The following DIAPH2 variants were observed in gnomAD, a reference collection of about 807,000 sequenced individuals.
DIAPH2 encodes the protein diaphanous related formin 2.
In DIAPH2, 35 loss-of-function variants were observed where a neutral mutation model predicts 92.7. That is an observed-to-expected ratio of 0.38 (90% CI 0.29 to 0.50). The LOEUF is 0.50. DIAPH2 is among the 20% of genes least tolerant of loss of function. The pLI, the probability that DIAPH2 is intolerant of heterozygous loss-of-function variation, is 0.94. For missense variants in DIAPH2, 701 were observed against 819.5 expected (o/e 0.86, Z 1.77); for synonymous variants, 301 against 280.4 (o/e 1.07, Z -0.73).
chrX:96,764,188 A>T (rs1167802923), intron 4 of DIAPH2, among the ~76,000 whole-genome samples: 1 of 111,387 alleles, frequency 9.0e-6, no homozygotes, highest in Non-Finnish European at 1.9e-5. Flanking sequence ...ATGTAATAGG[A>T]ATTCATAAGT....
intron 4 of DIAPH2, among the ~76,000 whole-genome samples, chrX:96,783,093 G>T (rs759816420): frequency 3.4e-4 from 38 of 111,700 alleles, no homozygotes; most frequent in Non-Finnish European, 5.6e-4. Context: ...TGTGATACTC[G>T]TAAAACAACC....
chrX:97,028,757 A>G (rs1229066665), intron 17 of DIAPH2, among the ~76,000 whole-genome samples: 2 of 112,021 alleles, frequency 1.8e-5, no homozygotes, highest in Non-Finnish European at 1.9e-5. Context: ...TAGTGCTGCT[A>G]TTAGTGTTCC....
At chrX:97,368,173 C>G (rs1471329746) in intron 24 of DIAPH2, among the ~76,000 whole-genome samples, 2 of 112,303 alleles carry the variant, frequency 1.8e-5, no homozygotes, top group African/African-American at 6.5e-5. Flanking sequence ...TTTTAATTAT[C>G]AGAGTTTCTC....
intron 26 of DIAPH2, among the ~76,000 whole-genome samples, chrX:97,487,194 C>T (rs2070694784): frequency 8.9e-6 from 1 of 112,271 alleles, no homozygotes; most frequent in African/African-American, 3.2e-5. Context: ...GGATTATTTC[C>T]CTATCTTGGC....
intron 5 of DIAPH2, among the ~76,000 whole-genome samples, chrX:96,899,149 G>A: frequency 9.1e-6 from 1 of 110,032 alleles, no homozygotes; most frequent in Non-Finnish European, 1.9e-5. Flanking sequence ...ATAGTTTGAA[G>A]TCAGGTAGCG....
rs1277532919 is a variant in DIAPH2 at position 96,765,098 on chromosome X, A to G, written c.447+6840A>G. Among the ~76,000 whole-genome samples, 5 of 110,669 alleles carry G rather than the reference A, an allele frequency of 4.5e-5. No homozygotes were observed. The East Asian group carries it at 1.4e-3, about 31-fold the overall frequency. On this transcript the variant is annotated intron_variant, in intron 4 of 26. Transcript: ENST00000324765. The stretch of plus-strand genomic sequence containing the variant: ...ACACTGTTACCAGTTATCTTGCTCC[A>G]GCAGTACCCTCTTATCTGTGGTTTC...
chrX:96,836,383 T>C (rs1426857628), intron 4 of DIAPH2, among the ~76,000 whole-genome samples: 1 of 109,524 alleles, frequency 9.1e-6, no homozygotes, highest in East Asian at 2.8e-4. Context: ...AGAATGAATT[T>C]TCTCTTGATA....
intron 24 of DIAPH2, among the ~76,000 whole-genome samples, chrX:97,366,910 C>T (rs2069386358): frequency 9.0e-6 from 1 of 111,412 alleles, no homozygotes; most frequent in African/African-American, 3.3e-5. Flanking sequence ...GCACAATATG[C>T]AAAAAGTAAC....
chrX:97,308,676 A>G (rs1273546823), intron 23 of DIAPH2, among the ~76,000 whole-genome samples: 1 of 89,623 alleles, frequency 1.1e-5, no homozygotes, highest in Non-Finnish European at 2.1e-5. Flanking sequence ...GCTGGAGTGC[A>G]CTGGCATGAT....
At chrX:96,862,798 G>C (rs1020349570) in intron 4 of DIAPH2, among the ~76,000 whole-genome samples, 4 of 111,687 alleles carry the variant, frequency 3.6e-5, no homozygotes, top group African/African-American at 1.3e-4. Flanking sequence ...TTGTTCATTT[G>C]TTTTACTGTG....
At chrX:96,706,457 C>T (rs1190050967) in intron 1 of DIAPH2, among the ~76,000 whole-genome samples, 2 of 111,674 alleles carry the variant, frequency 1.8e-5, no homozygotes, top group Non-Finnish European at 3.8e-5. Context: ...CATGGAACTA[C>T]GGCAGTGGTA....
intron 25 of DIAPH2, among the ~76,000 whole-genome samples, chrX:97,416,690 C>T (rs1292253894): frequency 9.0e-6 from 1 of 111,657 alleles, no homozygotes; most frequent in Non-Finnish European, 1.9e-5. Flanking sequence ...CTTGAATGAT[C>T]CTTGGGTTCT....
chrX:97,025,846 G>C (rs1383204555), intron 17 of DIAPH2, among the ~76,000 whole-genome samples: 2 of 111,810 alleles, frequency 1.8e-5, no homozygotes, highest in East Asian at 5.6e-4. Context: ...CTAAGTCTCA[G>C]TTAAGAGTTT....
At chrX:96,769,957 G>A (rs919595815) in intron 4 of DIAPH2, among the ~76,000 whole-genome samples, 1 of 111,951 alleles carries the variant, frequency 8.9e-6, no homozygotes, top group Non-Finnish European at 1.9e-5. Context: ...CAGCACTTTG[G>A]GAGGCTGAGG....
At chrX:96,748,851 A>G (rs1024515712) in intron 3 of DIAPH2, among the ~76,000 whole-genome samples, 1 of 111,031 alleles carries the variant, frequency 9.0e-6, no homozygotes, top group Non-Finnish European at 1.9e-5. Context: ...ATGGTTTTAT[A>G]TTTTTAAATT....
chrX:97,208,305 A>C (rs2147502285), intron 22 of DIAPH2, among the ~76,000 whole-genome samples: 1 of 112,240 alleles, frequency 8.9e-6, no homozygotes, highest in Non-Finnish European at 1.9e-5. Flanking sequence ...CTTTTTCAAA[A>C]AACATAATTG....
chrX:97,415,259 T>C (rs2069930542), intron 25 of DIAPH2, among the ~76,000 whole-genome samples: 1 of 111,641 alleles, frequency 9.0e-6, no homozygotes, highest in Admixed American at 9.5e-5. Context: ...TTGGTGAGAG[T>C]ATAAACTAGT....
intron 23 of DIAPH2, among the ~76,000 whole-genome samples, chrX:97,330,323 C>T (rs775677544): frequency 1.3e-4 from 14 of 109,359 alleles, no homozygotes; most frequent in African/African-American, 4.7e-4. Flanking sequence ...TACTCAATAG[C>T]AACTCCCCAT....
At chrX:97,392,527 G>A (rs1005712208) in intron 25 of DIAPH2, among the ~76,000 whole-genome samples, 8 of 111,674 alleles carry the variant, frequency 7.2e-5, no homozygotes, top group Non-Finnish European at 1.1e-4. Flanking sequence ...TCATGGAGAA[G>A]GCTAAATACA....
Sources: gnomAD v4.1 joint callset for allele counts (sites outside exome capture counted in the v4.1 genomes callset) on GRCh38, gnomAD v4.1.1 for gene constraint, MANE v1.5 for transcripts, NCBI Gene and HGNC (gene_info 2026-07-23, HGNC 2026-07-21) for gene names.